LYPD8: variants seen among roughly 807,000 people sequenced by gnomAD.
LYPD8 encodes LY6/PLAUR domain containing 8, also known as ly6/PLAUR domain-containing protein 8.
In LYPD8, 8 loss-of-function variants were observed where a neutral mutation model predicts 1.7. The ratio of observed to expected loss-of-function variants is 4.58; its 90% CI spans 2.69 to 8.27. The LOEUF (loss-of-function observed/expected upper bound fraction) is 8.27, where lower values mean the gene tolerates loss of function less well. Ranked by LOEUF, LYPD8 falls within the 30% of genes most tolerant of loss-of-function variation. The pLI, the probability that LYPD8 is intolerant of heterozygous loss-of-function variation, is 0.00. For synonymous variants in LYPD8, 50 were observed against 43.6 expected (o/e 1.15, Z -0.58); for missense variants, 112 against 102.3 (o/e 1.09, Z -0.41).
intron 5 of LYPD8, among the ~76,000 whole-genome samples, chr1:248,746,937 G>C (rs1272300237): frequency 2.3e-4 from 2 of 8,668 alleles, no homozygotes; most frequent in African/African-American, 6.4e-4. Context: ...TCGCCCGCAC[G>C]GCCAGCAGCA....
At chr1:248,753,911 TACTA>T (rs1341418974) in intron 2 of LYPD8, among the ~76,000 whole-genome samples, 1 of 124,784 alleles carries the variant, frequency 8.0e-6, no homozygotes, top group Non-Finnish European at 1.7e-5. Flanking sequence ...ATGTCATACA[TACTA>T]CATACACACA....
chr1:248,743,813 A>G (rs1455134245), intron 6 of LYPD8, among the ~76,000 whole-genome samples: 1 of 152,216 alleles, frequency 6.6e-6, no homozygotes, highest in African/African-American at 2.4e-5. Flanking sequence ...ACTGCTGGCA[A>G]GATGCAAAGG....
In LYPD8 at chr1:248,739,653, G is replaced by A; in HGVS notation, c.672C>T (p.Leu224=). ...HNVGSKASLY[L]LALASLLLRG... Reference sequence around the variant, plus strand: ...GAAGAAGGAGGCTGGCAAGGGCCAAGAGGTAGAGGGAAGCTTTGGAGCCCA... The same window carrying A: ...GAAGAAGGAGGCTGGCAAGGGCCAAAAGGTAGAGGGAAGCTTTGGAGCCCA... Residue 224 remains leucine, a synonymous_variant, in exon 7 of 7, where the codon CTC becomes CTT. Coordinates refer to ENST00000590317, the MANE Select transcript of LYPD8 (RefSeq NM_001085474.2). This position sits in a 1 kb window ranked among gnomAD's most constrained non-coding sequence, Gnocchi z 4.3. The A allele has an allele frequency of 6.4e-7, 1 of 1,551,750 alleles. No individual in the cohort carries two copies. The highest frequency in any genetic ancestry group is 1.2e-5 in the South Asian group (1 of 84,060).
intron 4 of LYPD8, among the ~76,000 whole-genome samples, chr1:248,749,873 A>G (rs1662767852): frequency 6.6e-6 from 1 of 152,154 alleles, no homozygotes; most frequent in Non-Finnish European, 1.5e-5. Flanking sequence ...GTGTACATGT[A>G]TATTTATATA....
chr1:248,745,694 T>C (rs1014586032), intron 5 of LYPD8, among the ~76,000 whole-genome samples: 5 of 152,174 alleles, frequency 3.3e-5, no homozygotes, highest in Non-Finnish European at 7.4e-5. Context: ...AAATTTACAA[T>C]GAGACCAGCT....
At position 248,748,324 on chromosome 1, in the gene LYPD8, T is replaced by C; in HGVS notation, c.302A>G (p.Gln101Arg). 1 of 470,038 alleles carries C rather than the reference T, an allele frequency of 2.1e-6. No individual in the cohort carries two copies. The highest frequency in any genetic ancestry group is 3.7e-6 in the Non-Finnish European group (1 of 269,396). 29.1% of individuals were successfully genotyped at this position (470,038 alleles called of 1,614,324 possible). Residue 101 changes from glutamine to arginine, a missense_variant, in exon 5 of 7, where the codon CAA (glutamine) becomes CGA (arginine). Coordinates refer to ENST00000590317, the MANE Select transcript of LYPD8 (RefSeq NM_001085474.2). ...GCTGGTGTTGCTGCATTCCTTTCCT[T>C]GGCAGCACTGGCTTACAAAATGAAA... ...EHFHFVSQCC[Q>R]GKECSNTSDA...
At chr1:248,740,294 T>A (rs1181756843) in intron 6 of LYPD8, among the ~76,000 whole-genome samples, 2 of 152,208 alleles carry the variant, frequency 1.3e-5, no homozygotes, top group Middle Eastern at 3.2e-3. Flanking sequence ...CTTTCCGTCC[T>A]CACTCCTCTC....
intron 2 of LYPD8, among the ~76,000 whole-genome samples, chr1:248,752,430 A>G (rs1662814060): frequency 6.6e-6 from 1 of 151,768 alleles, no homozygotes; most frequent in Non-Finnish European, 1.5e-5. Flanking sequence ...GCTGCTACTT[A>G]CTGAAACACA....
At chr1:248,754,321 AATCAC>A (rs1390604780) in intron 2 of LYPD8, among the ~76,000 whole-genome samples, 4 of 150,022 alleles carry the variant, frequency 2.7e-5, no homozygotes, top group Non-Finnish European at 4.4e-5. Context: ...CACACATGCA[AATCAC>A]ATCACAGACA....
intron 6 of LYPD8, among the ~76,000 whole-genome samples, chr1:248,741,710 AG>A (rs1553283353): frequency 6.6e-6 from 1 of 152,250 alleles, no homozygotes; most frequent in Non-Finnish European, 1.5e-5. Flanking sequence ...CAAGATAAGC[AG>A]AGAGAGAAAA....
chr1:248,749,575 C>G (rs1336886442), intron 4 of LYPD8, among the ~76,000 whole-genome samples: 1 of 152,144 alleles, frequency 6.6e-6, no homozygotes, highest in African/African-American at 2.4e-5. Flanking sequence ...AGGGTGAGAG[C>G]AAGTGAGGGA....
At chr1:248,752,658 AC>A (rs1662822529) in intron 2 of LYPD8, among the ~76,000 whole-genome samples, 2 of 73,656 alleles carry the variant, frequency 2.7e-5, no homozygotes, top group East Asian at 8.2e-4. Flanking sequence ...CACAACACAC[AC>A]CACACACACC....
chr1:248,752,997 AAACACAC>A (rs1407797633), intron 2 of LYPD8, among the ~76,000 whole-genome samples: 2 of 35,274 alleles, frequency 5.7e-5, no homozygotes, highest in East Asian at 1.6e-3. Flanking sequence ...ACACACACAC[AAACACAC>A]CACATCATAC....
Position 248,739,417 on chromosome 1 carries a change from T to G in LYPD8, c.*194A>C. ...AGCCCAGAATGCATCAGGACAGATT[T>G]GGGCAGTGAATGAACCAGTGCTTTA... is the stretch of plus-strand genomic sequence containing the variant. On this transcript the variant is annotated 3_prime_UTR_variant, in exon 7 of 7. Transcript: ENST00000590317. This position sits in a 1 kb window ranked among gnomAD's most constrained non-coding sequence, Gnocchi z 4.3. 2 of 732,082 alleles carry G rather than the reference T, an allele frequency of 2.7e-6. No individual in the cohort carries two copies. The highest frequency in any genetic ancestry group is 4.4e-6 in the Non-Finnish European group (2 of 456,424). 45.3% of individuals were successfully genotyped at this position (732,082 alleles called of 1,614,324 possible).
chr1:248,740,327 G>C (rs1248886884), intron 6 of LYPD8, among the ~76,000 whole-genome samples: 3 of 152,196 alleles, frequency 2.0e-5, no homozygotes, highest in African/African-American at 7.2e-5. Flanking sequence ...CTCCCTGCCT[G>C]AGTTTTCCCT....
chr1:248,754,803 C>T (rs892575584), intron 2 of LYPD8, among the ~76,000 whole-genome samples: 46 of 152,122 alleles, frequency 3.0e-4, no homozygotes, highest in African/African-American at 2.4e-4. Context: ...TTGTAGCAGA[C>T]GTGCGCCAGC....
chr1:248,746,586 C>T (rs1662730133), intron 5 of LYPD8, among the ~76,000 whole-genome samples: 1 of 150,218 alleles, frequency 6.7e-6, no homozygotes, highest in Non-Finnish European at 1.5e-5. Context: ...CAGGGCATCG[C>T]CCGCACGGCC....
intron 2 of LYPD8, among the ~76,000 whole-genome samples, chr1:248,751,964 A>G (rs1662808249): frequency 1.3e-5 from 2 of 152,182 alleles, no homozygotes; most frequent in Non-Finnish European, 2.9e-5. Flanking sequence ...TATATTCATT[A>G]GAATTCGAAA....
intron 2 of LYPD8, among the ~76,000 whole-genome samples, chr1:248,753,211 CACACACCACACCACACA>C: frequency 9.2e-6 from 1 of 108,372 alleles, no homozygotes; most frequent in African/African-American, 3.9e-5. Context: ...CCACACAACA[CACACACCACACCACACA>C]CACACACCAC....
Sources: allele counts gnomAD v4.1 joint callset (sites outside exome capture counted in the v4.1 genomes callset), GRCh38; gene constraint gnomAD v4.1.1; non-coding constraint Gnocchi (gnomAD v3.1); transcripts MANE v1.5; gene names NCBI Gene and HGNC (gene_info 2026-07-23, HGNC 2026-07-21).